The following IQCJ variants were observed in gnomAD, a reference collection of about 807,000 sequenced individuals.
The protein encoded by IQCJ is IQ motif containing J.
In IQCJ, 9 loss-of-function variants were observed where a neutral mutation model predicts 11.0. The observed-to-expected ratio is 0.82, with a 90% CI of 0.49 to 1.43. IQCJ has a LOEUF of 1.43. Among genes scored for constraint, IQCJ ranks in the 40% most tolerant of loss-of-function variants. The probability of loss-of-function intolerance (pLI) is 0.00; values close to 1 mark genes in which losing one functional copy is unlikely to be tolerated. For synonymous variants in IQCJ, 55 were observed against 51.3 expected, an observed-to-expected ratio of 1.07 and a Z score of -0.31; for missense variants, 146 against 133.2, an observed-to-expected ratio of 1.10 and a Z score of -0.47.
intron 1 of IQCJ, among the ~76,000 whole-genome samples, chr3:159,104,120 G>A (rs1171658479): frequency 6.6e-6 from 1 of 152,184 alleles, no homozygotes; most frequent in Non-Finnish European, 1.5e-5. Context: ...AAGCCATAAA[G>A]GGCCATTTAC....
At chr3:159,204,564 T>G (rs931222070) in intron 1 of IQCJ, among the ~76,000 whole-genome samples, 2 of 152,234 alleles carry the variant, frequency 1.3e-5, no homozygotes, top group African/African-American at 4.8e-5. Flanking sequence ...TATCAAGGCC[T>G]GAGTCCAGAA....
At chr3:159,118,690 G>A (rs1211963156) in intron 1 of IQCJ, among the ~76,000 whole-genome samples, 1 of 152,178 alleles carries the variant, frequency 6.6e-6, no homozygotes, top group Non-Finnish European at 1.5e-5. Flanking sequence ...CAGCTTCTGT[G>A]TAGGTCTGTA....
chr3:159,214,336 CTGA>C (rs563416560), intron 1 of IQCJ, among the ~76,000 whole-genome samples: 47 of 152,184 alleles, frequency 3.1e-4, no homozygotes, highest in African/African-American at 1.1e-3. Context: ...GTTTGGCCTC[CTGA>C]TGATCTCTTG....
chr3:159,202,458 C>G (rs1194054055), intron 1 of IQCJ, among the ~76,000 whole-genome samples: 1 of 152,132 alleles, frequency 6.6e-6, no homozygotes, highest in African/African-American at 2.4e-5. Flanking sequence ...CCATTTGTCT[C>G]AGTTTCCCAG....
At chr3:159,114,702 C>T (rs769706857) in intron 1 of IQCJ, among the ~76,000 whole-genome samples, 6 of 152,182 alleles carry the variant, frequency 3.9e-5, no homozygotes, top group Non-Finnish European at 8.8e-5. Context: ...AGCTGGAGAG[C>T]CACAGCCTCT....
chr3:159,145,950 G>A (rs941432338), intron 1 of IQCJ, among the ~76,000 whole-genome samples: 3 of 152,070 alleles, frequency 2.0e-5, no homozygotes, highest in African/African-American at 4.8e-5. Context: ...CATAATTATC[G>A]GAGCCAACAA....
At chr3:159,224,519 T>C (rs1168369637) in intron 1 of IQCJ, among the ~76,000 whole-genome samples, 1 of 152,184 alleles carries the variant, frequency 6.6e-6, no homozygotes, top group Non-Finnish European at 1.5e-5. Flanking sequence ...TGTAATATAA[T>C]CACATAATTA....
chr3:159,125,118 A>T (rs1295818719), intron 1 of IQCJ, among the ~76,000 whole-genome samples: 1 of 152,220 alleles, frequency 6.6e-6, no homozygotes, highest in Non-Finnish European at 1.5e-5. Flanking sequence ...ACACCACCTT[A>T]GCCAGGTGAT....
At chr3:159,177,019 A>T (rs980026958) in intron 1 of IQCJ, among the ~76,000 whole-genome samples, 5 of 152,160 alleles carry the variant, frequency 3.3e-5, no homozygotes, top group African/African-American at 1.2e-4. Context: ...GCTGTATTTG[A>T]TTGTTACATG....
chr3:159,069,474 TG>T (rs773774941), intron 1 of IQCJ, 33 bp downstream of exon 1: 26 of 1,602,932 alleles, frequency 1.6e-5, no homozygotes, highest in Middle Eastern at 1.7e-4. Context: ...CGTGCCACTT[TG>T]ATGTGCATTA....
In IQCJ at chr3:159,211,352, C is replaced by T. The variant is rs1049119874; in HGVS notation, c.10-34491C>T. Among the ~76,000 whole-genome samples, 4 of 152,166 alleles carry T rather than the reference C, an allele frequency of 2.6e-5. 1 individual carries two copies. Among genetic ancestry groups the T allele is most frequent in the Non-Finnish European group, 1.5e-5 (1 of 68,028 alleles). ...AAGCATTTTAACAAAACCTTTGCAG[C>T]AAACAAGGAGGTTATGTAGATTATT... On this transcript the variant is annotated intron_variant, in intron 1 of 3. Transcript: ENST00000397832.
rs914645746 is a variant in IQCJ at position 159,090,061 on chromosome 3, T to A, written c.9+20620T>A. Among the ~76,000 whole-genome samples the A allele has an allele frequency of 2.0e-5, 3 of 151,792 alleles. 1 individual carries two copies. Among genetic ancestry groups the A allele is most frequent in the Admixed American group, 6.5e-5 (1 of 15,268 alleles). ...CCCATCTTTGTGGTTTTATCTACTT[T>A]TGGTCTTTGATGATGGTGATGTAAA... On this transcript the variant is annotated intron_variant, in intron 1 of 3. Transcript: ENST00000397832.
At chr3:159,219,715 C>A (rs28698339) in intron 1 of IQCJ, among the ~76,000 whole-genome samples, 3,448 of 152,172 alleles carry the variant, frequency 0.023, 138 homozygotes, top group African/African-American at 0.079. Flanking sequence ...GCGGGCCTGT[C>A]TTAACAATAT....
chr3:159,140,300 G>C (rs981253760), intron 1 of IQCJ, among the ~76,000 whole-genome samples: 17 of 152,110 alleles, frequency 1.1e-4, no homozygotes, highest in Non-Finnish European at 4.4e-5. Context: ...CAATGATAAA[G>C]GCCTTCTGAC....
intron 1 of IQCJ, among the ~76,000 whole-genome samples, chr3:159,149,903 T>A (rs1245692003): frequency 6.6e-6 from 1 of 152,152 alleles, no homozygotes; most frequent in Non-Finnish European, 1.5e-5. Flanking sequence ...TCTCCCTGCC[T>A]CCTTCATTCA....
rs191962462 is a variant in IQCJ at position 159,194,928 on chromosome 3, T to C, written c.10-50915T>C. 3.5e-4 allele frequency among the ~76,000 whole-genome samples: 53 copies of C among 152,060 alleles called. No homozygotes were observed. In the East Asian group the frequency reaches 9.7e-3, roughly 28 times the overall value. On this transcript the variant is annotated intron_variant, in intron 1 of 3. Coordinates refer to ENST00000397832, the MANE Select transcript of IQCJ (RefSeq NM_001042706.3). ...GAGTTTGAGACCAGCCTGGCCAACA[T>C]AGTGAAACCCCATCTCTTCTGAAAG...
At chr3:159,232,094 T>C (rs1205386859) in intron 1 of IQCJ, among the ~76,000 whole-genome samples, 3 of 152,160 alleles carry the variant, frequency 2.0e-5, no homozygotes, top group Non-Finnish European at 4.4e-5. Flanking sequence ...CCTGGAGTCA[T>C]TGATTTTTTT....
chr3:159,089,653 G>T (rs28881199), intron 1 of IQCJ, among the ~76,000 whole-genome samples: 3 of 151,202 alleles, frequency 2.0e-5, no homozygotes, highest in Admixed American at 6.6e-5. Context: ...TTCCCTTCTC[G>T]CTTCATTTCA....
intron 1 of IQCJ, among the ~76,000 whole-genome samples, chr3:159,123,031 G>A (rs1381956585): frequency 6.6e-6 from 1 of 151,984 alleles, no homozygotes; most frequent in Admixed American, 6.5e-5. Context: ...GAGAGGCAGG[G>A]GAACTAGAAT....
Sources: gnomAD v4.1 joint callset for allele counts (sites outside exome capture counted in the v4.1 genomes callset) on GRCh38, gnomAD v4.1.1 for gene constraint, MANE v1.5 for transcripts, NCBI Gene and HGNC (gene_info 2026-07-23, HGNC 2026-07-21) for gene names.